The following CDH12 variants were observed in gnomAD, a reference collection of about 807,000 sequenced individuals.
The protein encoded by CDH12 is cadherin-12.
In CDH12, 41 loss-of-function variants were observed where a neutral mutation model predicts 74.1. The ratio of observed to expected loss-of-function variants is 0.55; its 90% CI spans 0.43 to 0.72. The LOEUF is 0.72. CDH12 is among the 30% of genes least tolerant of loss of function. CDH12 has a pLI of 0.00. For synonymous variants in CDH12, 399 were observed against 355.0 expected (o/e 1.12, Z -1.39); for missense variants, 945 against 977.2 (o/e 0.97, Z 0.44).
At chr5:21,922,962 A>ATATC (rs1754423797) in intron 6 of CDH12, among the ~76,000 whole-genome samples, 1 of 151,782 alleles carries the variant, frequency 6.6e-6, no homozygotes, top group East Asian at 1.9e-4. Context: ...ATCTATATCT[A>ATATC]TATCTATATC....
At chr5:22,623,589 T>C (rs1195752348) in intron 1 of CDH12, among the ~76,000 whole-genome samples, 1 of 152,078 alleles carries the variant, frequency 6.6e-6, no homozygotes, top group Non-Finnish European at 1.5e-5. Context: ...ATCAAATACC[T>C]AGGAATCCAA....
At position 22,794,126 on chromosome 5, in the gene CDH12, C is replaced by T. The variant is rs148178065; in HGVS notation, c.-523+58932G>A. On this transcript the variant is annotated intron_variant, in intron 1 of 14. Transcript: ENST00000382254. ...GATCACCAATATTCCAAAATGACAA[C>T]GGTACTGAAAAGCTCATATGTCCCA... Among the ~76,000 whole-genome samples, 105 of 152,248 alleles carry T rather than the reference C, an allele frequency of 6.9e-4. No homozygotes were observed. In the East Asian group the frequency reaches 0.013, roughly 19 times the overall value.
At chr5:21,775,910 T>C (rs1745560642) in intron 11 of CDH12, among the ~76,000 whole-genome samples, 1 of 152,154 alleles carries the variant, frequency 6.6e-6, no homozygotes, top group Non-Finnish European at 1.5e-5. Context: ...AGAGCCCATA[T>C]GGTAGGCAAG....
At chr5:22,363,015 G>A (rs1489050111) in intron 3 of CDH12, among the ~76,000 whole-genome samples, 1 of 151,652 alleles carries the variant, frequency 6.6e-6, no homozygotes, top group Non-Finnish European at 1.5e-5. Context: ...ACACCAACAT[G>A]GCACATGTAT....
intron 7 of CDH12, among the ~76,000 whole-genome samples, chr5:21,844,958 T>A (rs1032339264): frequency 1.8e-4 from 27 of 152,058 alleles, no homozygotes; most frequent in Admixed American, 1.3e-4. Flanking sequence ...TGTATCTTAA[T>A]AGAAGTTAAT....
chr5:22,431,899 ATAAAG>A (rs1744187609), intron 2 of CDH12, among the ~76,000 whole-genome samples: 1 of 152,202 alleles, frequency 6.6e-6, no homozygotes, highest in Non-Finnish European at 1.5e-5. Context: ...AATAAATTTT[ATAAAG>A]TAAAGAAGGT....
chr5:21,865,808 C>T (rs1014939848), intron 6 of CDH12, among the ~76,000 whole-genome samples: 2 of 152,166 alleles, frequency 1.3e-5, no homozygotes, highest in Non-Finnish European at 2.9e-5. Context: ...GGCAAACTCA[C>T]CCCAGACAGC....
intron 5 of CDH12, among the ~76,000 whole-genome samples, chr5:22,022,244 C>G (rs777663042): frequency 1.2e-4 from 19 of 152,042 alleles, no homozygotes; most frequent in Non-Finnish European, 2.4e-4. Flanking sequence ...GGGAAGGGAC[C>G]TGGTGGGAGG....
intron 8 of CDH12, among the ~76,000 whole-genome samples, chr5:21,834,250 A>T (rs1246691899): frequency 3.3e-5 from 5 of 151,848 alleles, no homozygotes; most frequent in Admixed American, 1.3e-4. Context: ...AATTCATATA[A>T]CATATATATC....
At chr5:21,932,257 A>G (rs1754874501) in intron 6 of CDH12, among the ~76,000 whole-genome samples, 1 of 152,220 alleles carries the variant, frequency 6.6e-6, no homozygotes, top group African/African-American at 2.4e-5. Context: ...AAAAGAGACT[A>G]CAGTCATACT....
At chr5:22,000,850 GA>G (rs1207285617) in intron 5 of CDH12, among the ~76,000 whole-genome samples, 1 of 151,388 alleles carries the variant, frequency 6.6e-6, no homozygotes, top group Non-Finnish European at 1.5e-5. Context: ...TATTCAGCTC[GA>G]AAAAAAGCCT....
At chr5:22,076,453 A>G (rs1742321384) in intron 5 of CDH12, among the ~76,000 whole-genome samples, 1 of 152,112 alleles carries the variant, frequency 6.6e-6, no homozygotes, top group Non-Finnish European at 1.5e-5. Flanking sequence ...AGGTCTATCG[A>G]TCTTCTCTAA....
chr5:21,821,344 G>A (rs1413190271), intron 8 of CDH12, among the ~76,000 whole-genome samples: 1 of 151,548 alleles, frequency 6.6e-6, no homozygotes. Flanking sequence ...TATAAATGAA[G>A]ATCTTTACTT....
At chr5:22,208,903 A>G (rs1188117870) in intron 4 of CDH12, among the ~76,000 whole-genome samples, 1 of 152,176 alleles carries the variant, frequency 6.6e-6, no homozygotes, top group African/African-American at 2.4e-5. Flanking sequence ...GTTTTCTGTT[A>G]TTCTTATACA....
intron 1 of CDH12, among the ~76,000 whole-genome samples, chr5:22,524,220 C>A (rs965216445): frequency 2.6e-5 from 4 of 152,050 alleles, no homozygotes; most frequent in Non-Finnish European, 5.9e-5. Context: ...CTCCTGAGTT[C>A]AATCAATCCA....
At chr5:22,666,849 T>C (rs367864293) in intron 1 of CDH12, among the ~76,000 whole-genome samples, 1 of 152,216 alleles carries the variant, frequency 6.6e-6, no homozygotes, top group Non-Finnish European at 1.5e-5. Flanking sequence ...ATAAAAGTTA[T>C]AAAAACAATC....
intron 3 of CDH12, among the ~76,000 whole-genome samples, chr5:22,261,916 T>C (rs1168120419): frequency 1.3e-5 from 2 of 152,030 alleles, no homozygotes; most frequent in African/African-American, 2.4e-5. Context: ...GTTTTTTACA[T>C]AGACAACTAT....
At chr5:21,913,669 T>TTTG (rs1284251105) in intron 6 of CDH12, among the ~76,000 whole-genome samples, 2 of 151,966 alleles carry the variant, frequency 1.3e-5, no homozygotes, top group Non-Finnish European at 2.9e-5. Context: ...GTTGTGGGGT[T>TTTG]TTGTTGTTGT....
intron 2 of CDH12, among the ~76,000 whole-genome samples, chr5:22,482,709 A>T (rs1258219728): frequency 1.3e-5 from 2 of 152,188 alleles, no homozygotes; most frequent in East Asian, 3.8e-4. Flanking sequence ...CATTTTCTTG[A>T]TTATGCCTCA....
Sources: gnomAD v4.1 joint callset for allele counts (sites outside exome capture counted in the v4.1 genomes callset) on GRCh38, gnomAD v4.1.1 for gene constraint, MANE v1.5 for transcripts, NCBI Gene and HGNC (gene_info 2026-07-23, HGNC 2026-07-21) for gene names.